The following PCDH15 variants were observed in gnomAD, a reference collection of about 807,000 sequenced individuals.
The protein encoded by PCDH15 is protocadherin related 15.
A neutral mutation model predicts 178.5 loss-of-function variants in PCDH15; 129 were observed. That is an observed-to-expected ratio of 0.72 (90% confidence interval 0.63 to 0.84). The LOEUF (loss-of-function observed/expected upper bound fraction) is 0.84, where lower values mean the gene tolerates loss of function less well. PCDH15 is among the 40% of genes least tolerant of loss of function. The pLI is 0.00. For synonymous variants in PCDH15, 800 were observed against 732.0 expected (o/e 1.09, Z -1.50); for missense variants, 2,230 against 2,099.9 (o/e 1.06, Z -1.21).
chr10:55,119,028 T>G (rs1837698152), intron 2 of PCDH15, among the ~76,000 whole-genome samples: 1 of 152,174 alleles, frequency 6.6e-6, no homozygotes, highest in Admixed American at 6.5e-5. Context: ...GCCAGTTCTC[T>G]CATGGGCCCT....
At chr10:54,630,422 C>T (rs1281249694) in intron 2 of PCDH15, among the ~76,000 whole-genome samples, 1 of 152,168 alleles carries the variant, frequency 6.6e-6, no homozygotes, top group Non-Finnish European at 1.5e-5. Flanking sequence ...AAAGGACTTT[C>T]TATTCAATAA....
intron 2 of PCDH15, among the ~76,000 whole-genome samples, chr10:55,414,407 G>A (rs1243633458): frequency 6.6e-6 from 1 of 151,502 alleles, no homozygotes. Flanking sequence ...TATTTCTAGT[G>A]CCACTGAAAT....
At chr10:53,896,743 G>T (rs1471341910) in intron 26 of PCDH15, among the ~76,000 whole-genome samples, 2 of 152,036 alleles carry the variant, frequency 1.3e-5, no homozygotes, top group Non-Finnish European at 2.9e-5. Context: ...GGCAGCATCA[G>T]GTTCTTATAG....
intron 3 of PCDH15, among the ~76,000 whole-genome samples, chr10:54,469,822 G>C (rs1391987233): frequency 6.6e-6 from 1 of 152,146 alleles, no homozygotes; most frequent in Non-Finnish European, 1.5e-5. Context: ...CAAGCCATCT[G>C]TACTGGTGTT....
intron 2 of PCDH15, among the ~76,000 whole-genome samples, chr10:54,964,400 A>G (rs1838731062): frequency 6.6e-6 from 1 of 152,182 alleles, no homozygotes; most frequent in Admixed American, 6.5e-5. Flanking sequence ...ATCACTTTTC[A>G]TATAATTATC....
intron 2 of PCDH15, among the ~76,000 whole-genome samples, chr10:55,587,327 T>A (rs1018979457): frequency 1.3e-5 from 2 of 152,128 alleles, no homozygotes; most frequent in African/African-American, 4.8e-5. Context: ...AAATCAACAT[T>A]AATGTTGACA....
intron 1 of PCDH15, among the ~76,000 whole-genome samples, chr10:55,205,445 A>G (rs1043326456): frequency 6.6e-6 from 1 of 151,972 alleles, no homozygotes; most frequent in Non-Finnish European, 1.5e-5. Flanking sequence ...CTAATAGGAG[A>G]TCTAATATAT....
chr10:55,145,262 A>AG (rs1838472882), intron 2 of PCDH15, among the ~76,000 whole-genome samples: 6 of 152,036 alleles, frequency 3.9e-5, no homozygotes, highest in Admixed American at 3.9e-4. Context: ...AAGCTTGCAG[A>AG]GGGGCATGCT....
chr10:54,213,680 C>T (rs370310176), intron 10 of PCDH15, among the ~76,000 whole-genome samples: 2 of 152,068 alleles, frequency 1.3e-5, no homozygotes, highest in African/African-American at 4.8e-5. Context: ...GAATTGTATA[C>T]GCTTGACCAA....
At chr10:53,952,235 C>T (rs569957435) in intron 23 of PCDH15, among the ~76,000 whole-genome samples, 154 of 152,282 alleles carry the variant, frequency 1.0e-3, no homozygotes, top group South Asian at 2.1e-3. Context: ...TTCAGCAGGT[C>T]CCAAGTTCTT....
At chr10:55,133,404 C>A (rs1333057371) in intron 2 of PCDH15, among the ~76,000 whole-genome samples, 10 of 152,162 alleles carry the variant, frequency 6.6e-5, no homozygotes. Context: ...TAACTGGCCA[C>A]TCCTTCCCAG....
intron 2 of PCDH15, among the ~76,000 whole-genome samples, chr10:54,663,746 A>C (rs1239584556): frequency 6.6e-6 from 1 of 150,836 alleles, no homozygotes; most frequent in African/African-American, 2.4e-5. Context: ...TAAAGTGCCA[A>C]CACCAAAACA....
rs1184471243 is a variant in PCDH15 at position 55,502,911 on chromosome 10, TA to T, written c.-156+124713del. ...AGATTCTCAGTAGGTTAATTTTTAATAAATTAACTGCTTATCAAAATGTAAC... is the reference window on the plus strand; with the variant it reads ...AGATTCTCAGTAGGTTAATTTTTAATAATTAACTGCTTATCAAAATGTAAC... On this transcript the variant is annotated intron_variant, in intron 2 of 5. Transcript: ENST00000613346. Among the ~76,000 whole-genome samples, 46 of 151,682 alleles carry T rather than the reference TA, an allele frequency of 3.0e-4. 3 individuals carry two copies.
intron 3 of PCDH15, among the ~76,000 whole-genome samples, chr10:54,441,641 G>A (rs1342773604): frequency 6.6e-6 from 1 of 151,806 alleles, no homozygotes; most frequent in Non-Finnish European, 1.5e-5. Context: ...AGAAGGATTG[G>A]GTGTCAATAA....
chr10:54,702,749 T>C (rs1363026195), intron 1 of PCDH15, among the ~76,000 whole-genome samples: 1 of 151,968 alleles, frequency 6.6e-6, no homozygotes, highest in East Asian at 1.9e-4. Flanking sequence ...TTGGACCAGA[T>C]ATATCCACAG....
At chr10:54,815,733 GC>G (rs1418545418) in intron 3 of PCDH15, among the ~76,000 whole-genome samples, 1 of 152,036 alleles carries the variant, frequency 6.6e-6, no homozygotes, top group African/African-American at 2.4e-5. Flanking sequence ...AAGTGGAATT[GC>G]TTAATATATG....
At chr10:54,758,152 G>T (rs896126471) in intron 1 of PCDH15, among the ~76,000 whole-genome samples, 6 of 152,098 alleles carry the variant, frequency 3.9e-5, no homozygotes, top group Non-Finnish European at 8.8e-5. Flanking sequence ...AACTTTAATA[G>T]TTCCTCAAAT....
intron 3 of PCDH15, among the ~76,000 whole-genome samples, chr10:54,826,143 T>G (rs1953128850): frequency 1.3e-5 from 2 of 152,062 alleles, no homozygotes; most frequent in Admixed American, 6.6e-5. Context: ...TGCCTTACAC[T>G]GTAGATACCT....
At chr10:54,922,614 A>C (rs1278492824) in intron 2 of PCDH15, among the ~76,000 whole-genome samples, 4 of 152,054 alleles carry the variant, frequency 2.6e-5, no homozygotes, top group African/African-American at 9.7e-5. Context: ...GGAAGGGGCC[A>C]GGGGTGGAAT....
Sources: gnomAD v4.1 joint callset for allele counts (sites outside exome capture counted in the v4.1 genomes callset) on GRCh38, gnomAD v4.1.1 for gene constraint, MANE v1.5 for transcripts, NCBI Gene and HGNC (gene_info 2026-07-23, HGNC 2026-07-21) for gene names.